CNTN4: variants seen among roughly 807,000 people sequenced by gnomAD.
CNTN4 encodes the protein contactin-4.
Under a neutral mutation model 122.5 loss-of-function variants are expected in CNTN4, and 77 were observed. That is an observed-to-expected ratio of 0.63 (90% CI 0.52 to 0.76). The LOEUF is 0.76. Among genes scored for constraint, CNTN4 ranks in the 30% least tolerant of loss-of-function variants. The pLI is 0.00. For missense variants in CNTN4, 1,256 were observed against 1,259.1 expected (o/e 1.00, Z 0.04); for synonymous variants, 512 against 447.0 (o/e 1.15, Z -1.83).
chr3:2,434,461 G>A (rs1233736268), intron 3 of CNTN4, among the ~76,000 whole-genome samples: 2 of 152,188 alleles, frequency 1.3e-5, no homozygotes, highest in Non-Finnish European at 2.9e-5. Context: ...GAATGTAAAT[G>A]GAGAAGCATA....
chr3:2,118,189 A>AC (rs1410823093), intron 2 of CNTN4, among the ~76,000 whole-genome samples: 12 of 152,312 alleles, frequency 7.9e-5, no homozygotes, highest in African/African-American at 2.6e-4. Flanking sequence ...TGGGTCCTAA[A>AC]TGAGAAAACT....
Position 2,624,636 on chromosome 3 carries a change from T to TC in CNTN4, c.55+53078_55+53079insC, listed in dbSNP as rs1396144534. Among the ~76,000 whole-genome samples, 3 of 147,458 alleles carry TC rather than the reference T, an allele frequency of 2.0e-5. No homozygotes were observed. In the East Asian group the frequency reaches 5.9e-4, roughly 29 times the overall value. ...ATTGGAATTTCTGATTCTTTTTTTTTTTTTTTTTTTTTCGAGGCTGAGTCT... is the reference window on the plus strand; with the variant it reads ...ATTGGAATTTCTGATTCTTTTTTTTTCTTTTTTTTTTTTCGAGGCTGAGTCT... On this transcript the variant is annotated intron_variant, in intron 4 of 24. Coordinates refer to ENST00000418658, the MANE Select transcript of CNTN4 (RefSeq NM_175607.3).
chr3:2,429,478 G>A (rs1198849265), intron 3 of CNTN4, among the ~76,000 whole-genome samples: 2 of 152,208 alleles, frequency 1.3e-5, no homozygotes, highest in East Asian at 1.9e-4. Context: ...CATATGAGGT[G>A]TCAGTCGGCC....
chr3:2,789,588 A>G (rs2091944432), intron 6 of CNTN4, among the ~76,000 whole-genome samples: 1 of 152,162 alleles, frequency 6.6e-6, no homozygotes, highest in Non-Finnish European at 1.5e-5. Flanking sequence ...TTGCGCCACC[A>G]TGCCCGGTGA....
intron 4 of CNTN4, among the ~76,000 whole-genome samples, chr3:2,640,829 A>G (rs903933934): frequency 6.6e-6 from 1 of 152,330 alleles, no homozygotes; most frequent in African/African-American, 2.4e-5. Flanking sequence ...CCTTCTAACA[A>G]TGCAGCTATT....
At chr3:2,312,092 T>A (rs1008443971) in intron 2 of CNTN4, among the ~76,000 whole-genome samples, 4 of 151,962 alleles carry the variant, frequency 2.6e-5, no homozygotes, top group African/African-American at 9.7e-5. Flanking sequence ...GGCGGCAGGA[T>A]CACTGAGCCC....
chr3:2,603,669 A>G (rs1357776004), intron 4 of CNTN4, among the ~76,000 whole-genome samples: 1 of 152,216 alleles, frequency 6.6e-6, no homozygotes, highest in Non-Finnish European at 1.5e-5. Flanking sequence ...AGTGAAGTGC[A>G]TATGAGAGCT....
intron 3 of CNTN4, among the ~76,000 whole-genome samples, chr3:2,400,450 T>TATATATATA (rs71058616): frequency 3.8e-5 from 5 of 131,682 alleles, no homozygotes; most frequent in Non-Finnish European, 8.2e-5. Context: ...TATATATATA[T>TATATATATA]CTCTTTTTTT....
intron 2 of CNTN4, among the ~76,000 whole-genome samples, chr3:2,103,401 C>T (rs1348740476): frequency 6.6e-6 from 1 of 152,128 alleles, no homozygotes; most frequent in Non-Finnish European, 1.5e-5. Flanking sequence ...AAGTAACTCC[C>T]CCCACTTACA....
intron 4 of CNTN4, among the ~76,000 whole-genome samples, chr3:2,650,968 G>T (rs1275128386): frequency 6.6e-6 from 1 of 152,076 alleles, no homozygotes; most frequent in Non-Finnish European, 1.5e-5. Flanking sequence ...TAGGCTGGAG[G>T]TATCTTAAAG....
intron 3 of CNTN4, among the ~76,000 whole-genome samples, chr3:2,363,273 G>A (rs2045235115): frequency 6.6e-6 from 1 of 152,132 alleles, no homozygotes; most frequent in Non-Finnish European, 1.5e-5. Context: ...ACATTCATTG[G>A]TTGTTTACCA....
At chr3:2,205,946 T>G (rs2038321823) in intron 2 of CNTN4, among the ~76,000 whole-genome samples, 1 of 152,114 alleles carries the variant, frequency 6.6e-6, no homozygotes, top group Non-Finnish European at 1.5e-5. Flanking sequence ...AACAACTGAA[T>G]GCATTTTATT....
intron 2 of CNTN4, among the ~76,000 whole-genome samples, chr3:2,228,024 T>C (rs1374716176): frequency 6.6e-6 from 1 of 151,924 alleles, no homozygotes; most frequent in Non-Finnish European, 1.5e-5. Flanking sequence ...GAAAACAAAA[T>C]GTTTATTTTT....
At chr3:2,257,024 C>T (rs1303452588) in intron 2 of CNTN4, among the ~76,000 whole-genome samples, 22 of 152,080 alleles carry the variant, frequency 1.4e-4, no homozygotes, top group Admixed American at 1.4e-3. Context: ...CATCAGGCTA[C>T]CTGACTTCAA....
rs533560065 is a variant in CNTN4, at chr3:2,129,923, A to T, written c.-145+29284A>T. ...CAGATAGACATGTTTCCTTAAATGA[A>T]GGTTTTCAAAACTGGCATTGTAAGT... On this transcript the variant is annotated intron_variant, in intron 2 of 24. Transcript: ENST00000418658. Among the ~76,000 whole-genome samples the T allele has an allele frequency of 2.0e-5, 3 of 152,156 alleles. No homozygotes were observed. The East Asian group carries it at 5.8e-4, about 29-fold the overall frequency.
In CNTN4 at chr3:2,250,226, A is replaced by G. The variant is rs578030408; in HGVS notation, c.-144-88952A>G. Among the ~76,000 whole-genome samples, 94 of 152,044 alleles carry G rather than the reference A, an allele frequency of 6.2e-4. 1 individual carries two copies. Among genetic ancestry groups the G allele is most frequent in the Non-Finnish European group, 1.2e-3 (81 of 67,842 alleles). On this transcript the variant is annotated intron_variant, in intron 2 of 24. Coordinates refer to ENST00000418658, the MANE Select transcript of CNTN4 (RefSeq NM_175607.3). ...TTTCATGAGAATTACTGCTCCTTCA[A>G]TTAATAGACTAGAGAAGAAGAGATT...
At position 2,190,813 on chromosome 3, in the gene CNTN4, C is replaced by CAT. The variant is rs2037497152; in HGVS notation, c.-145+90175_-145+90176insTA. On this transcript the variant is annotated intron_variant, in intron 2 of 24. Transcript: ENST00000418658. ...TTAAGGTGAGGACTTTATGCACACA[C>CAT]ACACACACACACACACACACATACA... 4.0e-5 allele frequency among the ~76,000 whole-genome samples: 6 copies of CAT among 149,662 alleles called. No individual in the cohort carries two copies. The South Asian group carries it at 1.3e-3, about 32-fold the overall frequency.
chr3:2,175,026 A>G (rs114318018), intron 2 of CNTN4, among the ~76,000 whole-genome samples: 1,761 of 152,326 alleles, frequency 0.012, 30 homozygotes, highest in African/African-American at 0.039. Flanking sequence ...GGTGGGGTCA[A>G]ATGTTCCAAC....
At chr3:2,508,747 C>T (rs1161980203) in intron 3 of CNTN4, among the ~76,000 whole-genome samples, 1 of 152,164 alleles carries the variant, frequency 6.6e-6, no homozygotes, top group East Asian at 1.9e-4. Context: ...GTTCTACTGT[C>T]TTTGAGAAGA....
Sources: gnomAD v4.1 joint callset for allele counts (sites outside exome capture counted in the v4.1 genomes callset) on GRCh38, gnomAD v4.1.1 for gene constraint, MANE v1.5 for transcripts, NCBI Gene and HGNC (gene_info 2026-07-23, HGNC 2026-07-21) for gene names.